Variants in SLC38A1 observed in about 807,000 individuals in gnomAD.
SLC38A1 encodes solute carrier family 38 member 1.
SLC38A1 carries 18 observed loss-of-function variants against 60.3 expected under a neutral mutation model. The ratio of observed to expected loss-of-function variants is 0.30; its 90% confidence interval spans 0.21 to 0.44. The LOEUF (loss-of-function observed/expected upper bound fraction) is 0.44. Among genes scored for constraint, SLC38A1 ranks in the 20% least tolerant of loss-of-function variants. The pLI, the probability that SLC38A1 is intolerant of heterozygous loss-of-function variation, is 1.00. For synonymous variants in SLC38A1, 196 were observed against 212.1 expected (o/e 0.92, Z 0.66); for missense variants, 448 against 587.2 (o/e 0.76, Z 2.45).
intron 2 of SLC38A1, among the ~76,000 whole-genome samples, chr12:46,240,909 C>T (rs1941423058): frequency 6.6e-6 from 1 of 152,094 alleles, no homozygotes; most frequent in Admixed American, 6.6e-5. Flanking sequence ...GAGGGATCAC[C>T]CATAGTAAGT....
chr12:46,263,630 A>G (rs568116268), intron 1 of SLC38A1, among the ~76,000 whole-genome samples: 101 of 152,138 alleles, frequency 6.6e-4, no homozygotes, highest in African/African-American at 2.4e-3. Flanking sequence ...TCTTTCTCCT[A>G]TACCTTGGTC....
chr12:46,249,635 T>C (rs549584655), intron 1 of SLC38A1, among the ~76,000 whole-genome samples: 1 of 151,790 alleles, frequency 6.6e-6, no homozygotes, highest in Non-Finnish European at 1.5e-5. Flanking sequence ...ATAGATGCAA[T>C]AAAAAATGAT....
At chr12:46,240,100 A>G (rs187420012) in intron 2 of SLC38A1, among the ~76,000 whole-genome samples, 8 of 152,248 alleles carry the variant, frequency 5.3e-5, no homozygotes, top group Admixed American at 4.6e-4. Context: ...ATTTTTAACT[A>G]TACAGTGAAT....
At position 46,268,246 on chromosome 12, in the gene SLC38A1, C is replaced by T. The variant is rs186013808; in HGVS notation, c.-209+280G>A. Reference sequence around the variant, plus strand: ...ACTCTGCCACAGCCACAGGAAAACACACCAAAGTCACAGGAAAACAAACCA... The same window carrying T: ...ACTCTGCCACAGCCACAGGAAAACATACCAAAGTCACAGGAAAACAAACCA... On this transcript the variant is annotated intron_variant, in intron 1 of 16. Transcript: ENST00000398637. The surrounding 1 kb of genome is among the most constrained non-coding windows in gnomAD (Gnocchi z 4.4). Among the ~76,000 whole-genome samples, 629 of 152,324 alleles carry T rather than the reference C, an allele frequency of 4.1e-3. 4 individuals carry two copies. Among genetic ancestry groups the T allele is most frequent in the African/African-American group, 0.014 (581 of 41,550 alleles).
rs561295039 is a variant in SLC38A1, at chr12:46,268,727, C to T, written c.-410G>A. The stretch of plus-strand genomic sequence containing the variant: ...GGAGGAAGGTGAAGGGCGGAGGCTC[C>T]TGGCGACCTTCTGGCGGAGTGGCGT... On this transcript the variant is annotated 5_prime_UTR_variant, in exon 1 of 17. Transcript: ENST00000398637. The surrounding 1 kb of genome is among the most constrained non-coding windows in gnomAD (Gnocchi z 4.4). 6 of 310,508 alleles carry T rather than the reference C, an allele frequency of 1.9e-5. No homozygotes were observed. The highest frequency in any genetic ancestry group is 7.1e-5 in the Admixed American group (2 of 28,318). The allele number at this position is 310,508 out of a possible 1,614,324, so 19.2% of individuals were successfully genotyped here.
intron 8 of SLC38A1, among the ~76,000 whole-genome samples, chr12:46,206,448 G>A (rs1939906856): frequency 6.6e-6 from 1 of 151,684 alleles, no homozygotes; most frequent in African/African-American, 2.4e-5. Flanking sequence ...AAAGCTGAAT[G>A]CACACATTTC....
chr12:46,211,189 C>G (rs995505815), intron 5 of SLC38A1, among the ~76,000 whole-genome samples: 1 of 152,134 alleles, frequency 6.6e-6, no homozygotes, highest in African/African-American at 2.4e-5. Context: ...ATGTGACAGG[C>G]CCTAGAGGAT....
intron 14 of SLC38A1, 25 bp downstream of exon 14, chr12:46,198,600 A>T: frequency 2.0e-6 from 3 of 1,493,006 alleles, no homozygotes; most frequent in Non-Finnish European, 1.8e-6. Context: ...AGCTTTTCTC[A>T]TATTGCACAG....
At chr12:46,262,221 G>A (rs1157967158) in intron 1 of SLC38A1, among the ~76,000 whole-genome samples, 1 of 152,118 alleles carries the variant, frequency 6.6e-6, no homozygotes, top group Non-Finnish European at 1.5e-5. Context: ...TTAAATGTCT[G>A]TTATCAACAT....
At chr12:46,257,607 C>T (rs995212108) in intron 1 of SLC38A1, among the ~76,000 whole-genome samples, 6 of 152,030 alleles carry the variant, frequency 3.9e-5, no homozygotes, top group Non-Finnish European at 7.4e-5. Flanking sequence ...TGTTACCAGA[C>T]CCCACCACTT....
intron 1 of SLC38A1, among the ~76,000 whole-genome samples, chr12:46,246,408 T>G (rs553653508): frequency 6.6e-6 from 1 of 152,364 alleles, no homozygotes; most frequent in East Asian, 1.9e-4. Context: ...TCGCTGCTAG[T>G]GCAGCAGTCT....
At chr12:46,196,388 C>A in intron 16 of SLC38A1, 1 of 1,403,198 alleles carries the variant, frequency 7.1e-7, no homozygotes, top group Non-Finnish European at 9.5e-7. Flanking sequence ...TTGTCTAATG[C>A]CATTTGGAAG....
In SLC38A1 at chr12:46,217,806, C is replaced by T. The variant is rs193021029; in HGVS notation, c.315-8679G>A. 3.1e-3 allele frequency among the ~76,000 whole-genome samples: 477 copies of T among 152,238 alleles called. 5 individuals carry two copies. The highest frequency in any genetic ancestry group is 0.011 in the African/African-American group (449 of 41,542). ...TTACAAATTAGATTAGGGAATTAAACGGGTGGTTTTAAAAGGCCAGGCAGG... is the reference window on the plus strand; with the variant it reads ...TTACAAATTAGATTAGGGAATTAAATGGGTGGTTTTAAAAGGCCAGGCAGG... On this transcript the variant is annotated intron_variant, in intron 5 of 16. Transcript: ENST00000398637.
chr12:46,233,191 TAAAA>T (rs1178341602), intron 3 of SLC38A1, among the ~76,000 whole-genome samples: 1 of 151,790 alleles, frequency 6.6e-6, no homozygotes. Context: ...GCTTATCTTT[TAAAA>T]AAAATTGTGT....
Position 46,226,708 on chromosome 12 carries a change from C to T in SLC38A1, c.314+2445G>A, listed in dbSNP as rs10219466. ...TCGGCTCACTGCAACCTCTGCCTCC[C>T]GGGTTCAATCGATTCTCCTGCCTCA... is the stretch of plus-strand genomic sequence containing the variant. On this transcript the variant is annotated intron_variant, in intron 5 of 16. Transcript: ENST00000398637. Among the ~76,000 whole-genome samples the T allele has an allele frequency of 9.2e-3, 1,384 of 150,412 alleles. 19 individuals carry two copies. Among genetic ancestry groups the T allele is most frequent in the African/African-American group, 0.031 (1,271 of 40,966 alleles).
chr12:46,204,503 C>T, intron 10 of SLC38A1, 29 bp downstream of exon 10: 1 of 1,611,174 alleles, frequency 6.2e-7, no homozygotes, highest in South Asian at 1.1e-5. Context: ...TATCACAAAA[C>T]CAAACCAACC....
At chr12:46,210,258 G>A (rs576209145) in intron 5 of SLC38A1, among the ~76,000 whole-genome samples, 1 of 152,280 alleles carries the variant, frequency 6.6e-6, no homozygotes, top group African/African-American at 2.4e-5. Flanking sequence ...ACAGTGTTTT[G>A]TTTCTCCTGC....
intron 12 of SLC38A1, among the ~76,000 whole-genome samples, chr12:46,202,349 A>G (rs1032214132): frequency 2.6e-5 from 4 of 152,140 alleles, no homozygotes; most frequent in African/African-American, 9.7e-5. Flanking sequence ...ATAAATACTG[A>G]TATTGTCGAT....
In SLC38A1 at chr12:46,188,468, A is replaced by G. The variant is rs1939012825; in HGVS notation, c.*502T>C. The G allele has an allele frequency of 1.3e-5, 2 of 153,364 alleles. No individual in the cohort carries two copies. The highest frequency in any genetic ancestry group is 6.5e-5 in the Admixed American group (1 of 15,398). 9.5% of individuals were successfully genotyped at this position (153,364 alleles called of 1,614,324 possible). A position where few individuals can be genotyped will look rare whatever the true frequency, so the allele number is the denominator to read the frequency against. ...TTTCAGATGATTATCTCCATGTGCTATGTTAACCAAAATAGGCAAATTATT... is the reference window on the plus strand; with the variant it reads ...TTTCAGATGATTATCTCCATGTGCTGTGTTAACCAAAATAGGCAAATTATT... On this transcript the variant is annotated 3_prime_UTR_variant, in exon 17 of 17. Transcript: ENST00000398637.
Sources: allele counts gnomAD v4.1 joint callset (sites outside exome capture counted in the v4.1 genomes callset), GRCh38; gene constraint gnomAD v4.1.1; non-coding constraint Gnocchi (gnomAD v3.1); transcripts MANE v1.5; gene names NCBI Gene and HGNC (gene_info 2026-07-23, HGNC 2026-07-21).